OR7C1: variants seen among roughly 807,000 people sequenced by gnomAD.
OR7C1 encodes olfactory receptor family 7 subfamily C member 1.
For synonymous variants in OR7C1, 152 were observed against 160.7 expected, an observed-to-expected ratio of 0.95 and a Z score of 0.41; for missense variants, 324 against 383.3, an observed-to-expected ratio of 0.85 and a Z score of 1.29.
At chr19:14,805,356 A>G (rs1017751508) in intron 2 of OR7C1, among the ~76,000 whole-genome samples, 17 of 149,242 alleles carry the variant, frequency 1.1e-4, no homozygotes, top group Non-Finnish European at 2.5e-4. Context: ...GAGCATCTTC[A>G]TGTCTCCCAT....
exon 5 of OR7C1, chr19:14,799,826 A>G: frequency 7.0e-7 from 1 of 1,427,514 alleles, no homozygotes; most frequent in South Asian, 1.3e-5. Context: ...AAATGAAGTG[A>G]AAAAAAAAAT....
At chr19:14,829,632 A>C (rs1599925611) in intron 1 of OR7C1, among the ~76,000 whole-genome samples, 1 of 152,234 alleles carries the variant, frequency 6.6e-6, no homozygotes, top group Admixed American at 6.5e-5. Flanking sequence ...CTGTCAAAAC[A>C]TCAAGGGACA....
At chr19:14,814,629 T>G (rs1253831496) in intron 1 of OR7C1, among the ~76,000 whole-genome samples, 2 of 152,238 alleles carry the variant, frequency 1.3e-5, no homozygotes, top group African/African-American at 4.8e-5. Flanking sequence ...TTCACCATGC[T>G]GGCCAGGCTG....
chr19:14,801,890 C>T (rs2044643756), intron 2 of OR7C1, among the ~76,000 whole-genome samples: 1 of 152,182 alleles, frequency 6.6e-6, no homozygotes, highest in South Asian at 2.1e-4. Flanking sequence ...GGGAATGGTG[C>T]TAAACCATTA....
At chr19:14,816,723 T>A (rs1046714614) in intron 1 of OR7C1, among the ~76,000 whole-genome samples, 5 of 152,230 alleles carry the variant, frequency 3.3e-5, no homozygotes, top group African/African-American at 1.2e-4. Context: ...TACTCCTTAA[T>A]AAACTCCACT....
intron 1 of OR7C1, chr19:14,826,442 A>T (rs1017407356): frequency 6.6e-6 from 1 of 152,192 alleles, no homozygotes; most frequent in Non-Finnish European, 1.5e-5. Flanking sequence ...TTTGAAGCAA[A>T]AACAGAAGTA....
At chr19:14,826,618 TA>T (rs2044770355) in intron 1 of OR7C1, 1 of 152,226 alleles carries the variant, frequency 6.6e-6, no homozygotes, top group Non-Finnish European at 1.5e-5. Context: ...CCATCATATT[TA>T]AGGTCATCTC....
intron 2 of OR7C1, among the ~76,000 whole-genome samples, chr19:14,803,010 C>G (rs2044648962): frequency 1.3e-5 from 2 of 151,906 alleles, no homozygotes; most frequent in African/African-American, 4.8e-5. Context: ...TAAATAGGGC[C>G]CAAAGATTGG....
chr19:14,800,405 TCAACAAGAGTTTCTTTAAATG>T lies in OR7C1; in HGVS notation c.-184_-164del. On this transcript the variant is annotated 5_prime_UTR_variant, in exon 4 of 5. It introduces an in-frame stop codon into an upstream open reading frame of the 5' UTR. Coordinates refer to ENST00000641666, the Ensembl canonical transcript of OR7C1. ...AAGTGTTGTCCATGAACCAACAAGA[TCAACAAGAGTTTCTTTAAATG>T]CAGAATCCCTGGTCAGACCTACGGA... The T allele has an allele frequency of 2.6e-6, 1 of 385,974 alleles. No homozygotes were observed. Among genetic ancestry groups the T allele is most frequent in the East Asian group, 4.4e-5 (1 of 22,804 alleles). 23.9% of individuals were successfully genotyped at this position (385,974 alleles called of 1,614,324 possible).
chr19:14,823,905 C>CTTTTTTT (rs200113587), intron 1 of OR7C1, among the ~76,000 whole-genome samples: 3 of 139,984 alleles, frequency 2.1e-5, no homozygotes, highest in African/African-American at 7.8e-5. Flanking sequence ...CACTATTGTG[C>CTTTTTTT]TTTTTTTTTT....
chr19:14,822,110 G>A (rs936343579), intron 1 of OR7C1, among the ~76,000 whole-genome samples: 9 of 152,078 alleles, frequency 5.9e-5, no homozygotes, highest in East Asian at 3.8e-4. Context: ...ATTCTTTGGC[G>A]GACACTGAGG....
chr19:14,799,383 A>G (rs771565044), exon 5 of OR7C1: 1 of 1,614,134 alleles, frequency 6.2e-7, no homozygotes, highest in South Asian at 1.1e-5. Flanking sequence ...CCCGTGCCAT[A>G]GAACAAGGTG....
At chr19:14,822,695 A>G (rs374395430) in intron 1 of OR7C1, among the ~76,000 whole-genome samples, 26 of 152,000 alleles carry the variant, frequency 1.7e-4, no homozygotes, top group East Asian at 1.5e-3. Context: ...TGCCTTTTTT[A>G]TAATAGCCGT....
At chr19:14,813,589 T>C (rs994971955) in intron 1 of OR7C1, among the ~76,000 whole-genome samples, 2 of 152,024 alleles carry the variant, frequency 1.3e-5, no homozygotes, top group African/African-American at 4.8e-5. Context: ...GGGTAATTTA[T>C]AAACAAAAAA....
exon 5 of OR7C1, chr19:14,799,543 C>T: frequency 6.2e-7 from 1 of 1,614,152 alleles, no homozygotes; most frequent in South Asian, 1.1e-5. Flanking sequence ...CAAAGTATAT[C>T]ACCACGTTAT....
chr19:14,820,097 G>A (rs2044733888), intron 1 of OR7C1, among the ~76,000 whole-genome samples: 1 of 152,048 alleles, frequency 6.6e-6, no homozygotes, highest in Non-Finnish European at 1.5e-5. Context: ...TTGTAGTAGA[G>A]ACAGGGTTTT....
At chr19:14,799,168 T>C (rs781046230) in exon 5 of OR7C1, 1 of 1,597,688 alleles carries the variant, frequency 6.3e-7, no homozygotes, top group South Asian at 1.1e-5. Context: ...GTCCAAGCCT[T>C]GCTACTTATG....
At chr19:14,830,474 G>A (rs1295526069) in intron 1 of OR7C1, among the ~76,000 whole-genome samples, 1 of 152,160 alleles carries the variant, frequency 6.6e-6, no homozygotes, top group Admixed American at 6.5e-5. Context: ...ACAAAGGCTT[G>A]CTGGGGATCT....
At chr19:14,829,267 A>G (rs1230173981) in intron 1 of OR7C1, among the ~76,000 whole-genome samples, 2 of 152,182 alleles carry the variant, frequency 1.3e-5, no homozygotes, top group Non-Finnish European at 2.9e-5. Context: ...GCAGTGGCGC[A>G]ATCTCAGATC....
Sources: gnomAD v4.1 joint callset for allele counts (sites outside exome capture counted in the v4.1 genomes callset) on GRCh38, gnomAD v4.1.1 for gene constraint, MANE v1.5 for transcripts, NCBI Gene and HGNC (gene_info 2026-07-23, HGNC 2026-07-21) for gene names.